The following COG5 variants were observed in gnomAD, a reference collection of about 807,000 sequenced individuals.
COG5 encodes conserved oligomeric Golgi complex subunit 5.
A neutral mutation model predicts 110.4 loss-of-function variants in COG5; 86 were observed. That is an observed-to-expected ratio of 0.78 (90% CI 0.65 to 0.93). COG5 has a LOEUF of 0.93. COG5 is among the 40% of genes least tolerant of loss of function. The pLI, the probability that COG5 is intolerant of heterozygous loss-of-function variation, is 0.00. For synonymous variants in COG5, 360 were observed against 334.6 expected (o/e 1.08, Z -0.83); for missense variants, 1,077 against 987.0 (o/e 1.09, Z -1.22).
At chr7:107,520,203 A>C (rs1800226789) in intron 6 of COG5, among the ~76,000 whole-genome samples, 1 of 152,216 alleles carries the variant, frequency 6.6e-6, no homozygotes, top group South Asian at 2.1e-4. Context: ...TAAATGGGCA[A>C]AAGCTGGAAG....
chr7:107,519,864 T>G (rs896793603), intron 6 of COG5, among the ~76,000 whole-genome samples: 2 of 152,060 alleles, frequency 1.3e-5, no homozygotes, highest in African/African-American at 4.8e-5. Flanking sequence ...CAGGCGAATA[T>G]CCCTGATGAA....
intron 6 of COG5, among the ~76,000 whole-genome samples, chr7:107,433,853 C>T (rs981052418): frequency 6.6e-6 from 1 of 151,928 alleles, no homozygotes; most frequent in Non-Finnish European, 1.5e-5. Flanking sequence ...CATGTAAATA[C>T]CACAATTCAC....
intron 14 of COG5, among the ~76,000 whole-genome samples, chr7:107,259,337 G>A (rs1206038478): frequency 6.6e-6 from 1 of 152,052 alleles, no homozygotes; most frequent in Non-Finnish European, 1.5e-5. Flanking sequence ...CTAAGGTGGT[G>A]GCCTGAAAAT....
At chr7:107,445,600 T>C (rs1794961536) in intron 6 of COG5, among the ~76,000 whole-genome samples, 2 of 152,234 alleles carry the variant, frequency 1.3e-5, no homozygotes, top group Admixed American at 6.5e-5. Flanking sequence ...CAAGTACTTA[T>C]GCCTTCATTT....
chr7:107,544,006 C>T (rs932404652), intron 5 of COG5, among the ~76,000 whole-genome samples: 3 of 152,162 alleles, frequency 2.0e-5, no homozygotes, highest in African/African-American at 4.8e-5. Flanking sequence ...CAGACCCAGC[C>T]TCCAGGCCAG....
chr7:107,285,553 T>C lies in COG5; in HGVS notation c.1314-1821A>G, dbSNP rs144818383. 1.4e-3 allele frequency among the ~76,000 whole-genome samples: 213 copies of C among 152,342 alleles called. 2 individuals carry two copies. Among genetic ancestry groups the C allele is most frequent in the African/African-American group, 4.9e-3 (204 of 41,582 alleles). On this transcript the variant is annotated intron_variant, in intron 12 of 21. Transcript: ENST00000297135. ...CCAAATTTGAGTCATCACTTTGAAC[T>C]GCTCCACCTCTAAGATCTTCAAGCT...
At chr7:107,509,108 G>C (rs1799279780) in intron 6 of COG5, among the ~76,000 whole-genome samples, 1 of 152,120 alleles carries the variant, frequency 6.6e-6, no homozygotes, top group South Asian at 2.1e-4. Flanking sequence ...TGAGCTAAAG[G>C]AGAAAGTTCG....
At chr7:107,500,111 G>A (rs565825747) in intron 6 of COG5, among the ~76,000 whole-genome samples, 1 of 152,272 alleles carries the variant, frequency 6.6e-6, no homozygotes, top group African/African-American at 2.4e-5. Context: ...GAAGTGGGAA[G>A]TCAATCAGTA....
intron 10 of COG5, among the ~76,000 whole-genome samples, chr7:107,331,526 G>C (rs897794422): frequency 1.4e-4 from 22 of 152,088 alleles, no homozygotes; most frequent in African/African-American, 5.3e-4. Context: ...TAGTGTGCGG[G>C]GTGTTATCAA....
At chr7:107,268,211 G>A (rs1803957983) in intron 14 of COG5, among the ~76,000 whole-genome samples, 1 of 152,038 alleles carries the variant, frequency 6.6e-6, no homozygotes, top group African/African-American at 2.4e-5. Context: ...CAGGTGATCC[G>A]CCTGCCTCGG....
At chr7:107,233,384 G>A (rs533173222) in intron 18 of COG5, among the ~76,000 whole-genome samples, 54 of 152,298 alleles carry the variant, frequency 3.5e-4, no homozygotes, top group East Asian at 1.9e-4. Flanking sequence ...AAACCACCTC[G>A]TGCCCATGAC....
At chr7:107,436,524 T>C (rs1250147069) in intron 6 of COG5, among the ~76,000 whole-genome samples, 3 of 152,086 alleles carry the variant, frequency 2.0e-5, no homozygotes, top group Admixed American at 6.6e-5. Context: ...TGGAGACAGG[T>C]GGTGGTGATG....
intron 19 of COG5, among the ~76,000 whole-genome samples, chr7:107,230,341 TA>T (rs879651820): frequency 3.8e-4 from 56 of 146,780 alleles, no homozygotes; most frequent in South Asian, 8.6e-4. Flanking sequence ...AAGCTAAAAA[TA>T]AAAAAAAAAA....
chr7:107,426,120 C>G (rs1274816866), intron 6 of COG5, among the ~76,000 whole-genome samples: 1 of 152,162 alleles, frequency 6.6e-6, no homozygotes, highest in African/African-American at 2.4e-5. Context: ...TTTTGGACTT[C>G]TAGCCTCCAG....
intron 6 of COG5, among the ~76,000 whole-genome samples, chr7:107,485,177 G>A (rs543366883): frequency 1.3e-5 from 2 of 152,178 alleles, no homozygotes; most frequent in East Asian, 3.8e-4. Context: ...GAGCTGAAGC[G>A]AAGACTAAAA....
intron 5 of COG5, among the ~76,000 whole-genome samples, chr7:107,535,312 C>A (rs1459027059): frequency 2.0e-5 from 3 of 150,970 alleles, no homozygotes; most frequent in Non-Finnish European, 3.0e-5. Flanking sequence ...CAAGAAATAA[C>A]TAAGAGCAGA....
chr7:107,460,183 G>A (rs933099905), intron 6 of COG5, among the ~76,000 whole-genome samples: 27 of 152,138 alleles, frequency 1.8e-4, no homozygotes, highest in South Asian at 4.2e-4. Context: ...TTGGAGGATT[G>A]CTTGAGTCCA....
chr7:107,343,581 C>T lies in COG5; in HGVS notation c.1026+18452G>A, dbSNP rs187386046. 2.5e-3 allele frequency among the ~76,000 whole-genome samples: 374 copies of T among 151,924 alleles called. 2 individuals carry two copies. Among genetic ancestry groups the T allele is most frequent in the Non-Finnish European group, 4.1e-3 (278 of 67,946 alleles). ...CTGCAGTCCCAGCTACTTGGGAAGC[C>T]GAGGCTAGAGGATCAGTTAAGCCTG... On this transcript the variant is annotated intron_variant, in intron 10 of 21. Coordinates refer to ENST00000297135, the MANE Select transcript of COG5 (RefSeq NM_006348.5).
intron 21 of COG5, among the ~76,000 whole-genome samples, chr7:107,206,610 T>C (rs1244895678): frequency 6.6e-6 from 1 of 152,214 alleles, no homozygotes; most frequent in Non-Finnish European, 1.5e-5. Flanking sequence ...ATAAGAAGTG[T>C]TTAAATTCAC....
Sources: allele counts gnomAD v4.1 joint callset (sites outside exome capture counted in the v4.1 genomes callset), GRCh38; gene constraint gnomAD v4.1.1; transcripts MANE v1.5; gene names NCBI Gene and HGNC (gene_info 2026-07-23, HGNC 2026-07-21).